The following LYPD6 variants were observed in gnomAD, a reference collection of about 807,000 sequenced individuals.
The protein encoded by LYPD6 is LY6/PLAUR domain containing 6, also known as ly6/PLAUR domain-containing protein 6.
LYPD6 carries 15 observed loss-of-function variants against 22.7 expected under a neutral mutation model. The observed-to-expected ratio is 0.66, with a 90% CI of 0.44 to 1.02. LYPD6 has a LOEUF of 1.02. Among genes scored for constraint, LYPD6 ranks in the 50% least tolerant of loss-of-function variants. LYPD6 has a pLI of 0.00. For synonymous variants in LYPD6, 72 were observed against 77.5 expected (o/e 0.93, Z 0.37); for missense variants, 189 against 208.4 (o/e 0.91, Z 0.57).
At chr2:149,368,344 A>T (rs1329589263) in intron 1 of LYPD6, among the ~76,000 whole-genome samples, 2 of 152,100 alleles carry the variant, frequency 1.3e-5, no homozygotes, top group Non-Finnish European at 2.9e-5. Flanking sequence ...TTCAGTATGG[A>T]TGGAGTTTAG....
chr2:149,376,327 A>T (rs900593160), intron 1 of LYPD6, among the ~76,000 whole-genome samples: 3 of 152,166 alleles, frequency 2.0e-5, no homozygotes, highest in African/African-American at 7.2e-5. Context: ...CCTGCATTTC[A>T]TCTGAATACT....
rs996420034 is a variant in LYPD6, at chr2:149,334,251, GT to G, written c.-72+3531del. ...AAATGGGATAACCAAAAGTGAATTT[GT>G]TAAAAAAAAATCCTTGCAATGGATT... On this transcript the variant is annotated intron_variant, in intron 1 of 4. Transcript: ENST00000334166. 4.5e-4 allele frequency among the ~76,000 whole-genome samples: 68 copies of G among 152,082 alleles called. 1 individual carries two copies. Among genetic ancestry groups the G allele is most frequent in the Admixed American group, 3.3e-3 (50 of 15,288 alleles).
intron 1 of LYPD6, among the ~76,000 whole-genome samples, chr2:149,391,967 G>A (rs763266777): frequency 1.3e-5 from 2 of 152,198 alleles, no homozygotes; most frequent in Non-Finnish European, 2.9e-5. Flanking sequence ...CACAGACTGG[G>A]TGGCTCATAC....
intron 4 of LYPD6, 72 bp downstream of exon 4, chr2:149,468,847 A>G: frequency 6.6e-7 from 1 of 1,523,364 alleles, no homozygotes; most frequent in Non-Finnish European, 9.0e-7. Context: ...GCCAGTACTC[A>G]TGAGCAGATT....
At chr2:149,416,773 T>C (rs1185444082) in intron 1 of LYPD6, among the ~76,000 whole-genome samples, 6 of 152,220 alleles carry the variant, frequency 3.9e-5, no homozygotes, top group African/African-American at 1.4e-4. Context: ...ATGCAGTGCG[T>C]ATGCTGCATC....
chr2:149,463,410 G>C (rs1681129780), intron 3 of LYPD6, among the ~76,000 whole-genome samples: 1 of 152,084 alleles, frequency 6.6e-6, no homozygotes, highest in Non-Finnish European at 1.5e-5. Flanking sequence ...GGAGAAACTA[G>C]ATCACTCAAT....
At chr2:149,344,667 T>C (rs998473496) in intron 1 of LYPD6, among the ~76,000 whole-genome samples, 1 of 152,190 alleles carries the variant, frequency 6.6e-6, no homozygotes, top group Non-Finnish European at 1.5e-5. Flanking sequence ...CAATCTTGGA[T>C]TTTTTATTTG....
At chr2:149,376,406 T>C (rs1681922799) in intron 1 of LYPD6, among the ~76,000 whole-genome samples, 1 of 152,082 alleles carries the variant, frequency 6.6e-6, no homozygotes, top group African/African-American at 2.4e-5. Context: ...TTTTTTTCCA[T>C]TGCCTTCTTA....
At chr2:149,459,773 G>C (rs899155414) in intron 3 of LYPD6, among the ~76,000 whole-genome samples, 1 of 151,956 alleles carries the variant, frequency 6.6e-6, no homozygotes, top group African/African-American at 2.4e-5. Context: ...TTGGTGGCAG[G>C]CACCTGTAGT....
intron 1 of LYPD6, among the ~76,000 whole-genome samples, chr2:149,376,647 C>G (rs1681928603): frequency 1.3e-5 from 2 of 152,128 alleles, no homozygotes. Context: ...TGTAGAAGAT[C>G]TAATAAAAAT....
downstream of LYPD6, among the ~76,000 whole-genome samples, chr2:149,477,358 C>G (rs531756267): frequency 1.9e-3 from 296 of 152,142 alleles, 2 homozygotes; most frequent in African/African-American, 6.4e-3. Context: ...CGTGGTGGCT[C>G]ACGCCTACAA....
At chr2:149,384,380 C>G (rs1682132952) in intron 1 of LYPD6, among the ~76,000 whole-genome samples, 1 of 152,126 alleles carries the variant, frequency 6.6e-6, no homozygotes, top group Non-Finnish European at 1.5e-5. Flanking sequence ...ATAGAAATAC[C>G]TGGATGTCTG....
chr2:149,426,776 G>C (rs1170659499), intron 1 of LYPD6, among the ~76,000 whole-genome samples: 1 of 152,228 alleles, frequency 6.6e-6, no homozygotes. Context: ...GTGGTGAGGG[G>C]TGTCAGGAAG....
intron 1 of LYPD6, among the ~76,000 whole-genome samples, chr2:149,403,023 T>G (rs560521044): frequency 1.2e-4 from 19 of 152,254 alleles, no homozygotes; most frequent in African/African-American, 4.3e-4. Context: ...GAATGATGAT[T>G]TCCAATTTCA....
At chr2:149,339,143 G>A (rs1158384819) in intron 1 of LYPD6, among the ~76,000 whole-genome samples, 4 of 152,162 alleles carry the variant, frequency 2.6e-5, no homozygotes, top group Non-Finnish European at 4.4e-5. Flanking sequence ...GTCACTGCCT[G>A]CTAGAGAGTC....
chr2:149,339,113 C>G (rs1289406294), intron 1 of LYPD6, among the ~76,000 whole-genome samples: 2 of 152,102 alleles, frequency 1.3e-5, no homozygotes, highest in Non-Finnish European at 2.9e-5. Context: ...GGATAGGAGC[C>G]TAGTGTATAC....
At chr2:149,406,876 G>T (rs1010192149) in intron 1 of LYPD6, among the ~76,000 whole-genome samples, 1,977 of 110,900 alleles carry the variant, frequency 0.018, no homozygotes, top group African/African-American at 0.025. Context: ...GGTATCAGTT[G>T]TTCCTTTCCA....
intron 1 of LYPD6, among the ~76,000 whole-genome samples, chr2:149,355,900 A>T (rs1490057172): frequency 6.6e-6 from 1 of 152,120 alleles, no homozygotes; most frequent in African/African-American, 2.4e-5. Context: ...GGACTCTGTG[A>T]GGATTGGCCT....
At chr2:149,358,141 G>T (rs2105065301) in intron 1 of LYPD6, among the ~76,000 whole-genome samples, 2 of 152,176 alleles carry the variant, frequency 1.3e-5, no homozygotes, top group Admixed American at 1.3e-4. Context: ...ACCTTTAATT[G>T]TTAATAGTGA....
Sources: allele counts gnomAD v4.1 joint callset (sites outside exome capture counted in the v4.1 genomes callset), GRCh38; gene constraint gnomAD v4.1.1; transcripts MANE v1.5; gene names NCBI Gene and HGNC (gene_info 2026-07-23, HGNC 2026-07-21).